Variants in CUX1 observed in about 807,000 individuals in gnomAD.
The protein encoded by CUX1 is protein CASP.
In CUX1, 31 loss-of-function variants were observed where a neutral mutation model predicts 158.8. That is an observed-to-expected ratio of 0.20 (90% confidence interval 0.15 to 0.26). CUX1 has a LOEUF of 0.26. Among genes scored for constraint, CUX1 ranks in the 10% least tolerant of loss-of-function variants. The pLI is 1.00. For missense variants in CUX1, 1,589 were observed against 2,014.6 expected, an observed-to-expected ratio of 0.79 and a Z score of 4.04; for synonymous variants, 879 against 862.1, an observed-to-expected ratio of 1.02 and a Z score of -0.34.
intron 2 of CUX1, among the ~76,000 whole-genome samples, chr7:101,975,264 AAGAGAGAG>A (rs58160469): frequency 6.6e-6 from 1 of 151,244 alleles, no homozygotes; most frequent in African/African-American, 2.4e-5. Context: ...AGGAAAAAAA[AAGAGAGAG>A]AGAGAGAGAA....
intron 2 of CUX1, among the ~76,000 whole-genome samples, chr7:102,021,918 AGCCTCCT>A (rs758752868): frequency 3.9e-4 from 59 of 151,888 alleles, no homozygotes; most frequent in Non-Finnish European, 7.5e-4. Flanking sequence ...TGTAATTCAC[AGCCTCCT>A]TCTATGTGTG....
At chr7:102,161,712 G>A (rs782012562) in intron 9 of CUX1, among the ~76,000 whole-genome samples, 1 of 152,170 alleles carries the variant, frequency 6.6e-6, no homozygotes, top group African/African-American at 2.4e-5. Context: ...ATGGGTTCAG[G>A]CAATTCTCCT....
chr7:101,817,400 G>A, upstream of CUX1: 1 of 984,622 alleles, frequency 1.0e-6, no homozygotes, highest in South Asian at 4.7e-5. The surrounding 1 kb of genome is among the most constrained non-coding windows in gnomAD (Gnocchi z 4.1). Context: ...CGAAAGCAGA[G>A]CCCCGGGGGC....
At chr7:102,030,200 CGG>C (rs1194777730) in intron 3 of CUX1, among the ~76,000 whole-genome samples, 1 of 151,988 alleles carries the variant, frequency 6.6e-6, no homozygotes, top group East Asian at 1.9e-4. Flanking sequence ...TTAGTAGAGA[CGG>C]GGTTTCATCA....
At chr7:102,275,372 C>A in intron 17 of CUX1, 1 of 1,599,090 alleles carries the variant, frequency 6.3e-7, no homozygotes, top group Non-Finnish European at 8.6e-7. Flanking sequence ...GAGTCACATC[C>A]TTCTCTCCCT....
At chr7:102,150,929 T>C (rs1490243484) in intron 8 of CUX1, among the ~76,000 whole-genome samples, 10 of 152,226 alleles carry the variant, frequency 6.6e-5, no homozygotes, top group Admixed American at 6.5e-4. Flanking sequence ...ATCTAAATTT[T>C]TATAATAAAT....
intron 4 of CUX1, among the ~76,000 whole-genome samples, chr7:102,074,362 G>A (rs574894587): frequency 2.0e-5 from 3 of 152,342 alleles, no homozygotes; most frequent in East Asian, 3.9e-4. Flanking sequence ...GAGCCGCCAA[G>A]CTGGCCCCAG....
rs554547082 is a variant in CUX1, at chr7:101,821,560, G to A, written c.30+3891G>A. ...TCACCGTGTTAGCCCGGATGGTCTC[G>A]ATCTCCTCACTTAGTGATCCGCCCG... On this transcript the variant is annotated intron_variant, in intron 1 of 23. Coordinates refer to ENST00000292535, the MANE Select transcript of CUX1 (RefSeq NM_181552.4). Among the ~76,000 whole-genome samples the A allele has an allele frequency of 5.8e-3, 878 of 150,616 alleles. 13 individuals carry two copies. The highest frequency in any genetic ancestry group is 0.019 in the African/African-American group (797 of 41,090).
intron 8 of CUX1, among the ~76,000 whole-genome samples, chr7:102,155,495 A>G (rs1372299839): frequency 1.3e-5 from 2 of 152,020 alleles, no homozygotes; most frequent in Non-Finnish European, 2.9e-5. Flanking sequence ...GCAGTGAGCC[A>G]AGATCACACC....
chr7:101,869,700 AC>A lies in CUX1; in HGVS notation c.31-46414del, dbSNP rs1324870900. ...GACACCATGGAAGACGGCAGGACAC[AC>A]GTGCGAGCCACAGCAGGTGGGCGGG... On this transcript the variant is annotated intron_variant, in intron 1 of 23. Transcript: ENST00000292535. This position sits in a 1 kb window ranked among gnomAD's most constrained non-coding sequence, Gnocchi z 4.5. Among the ~76,000 whole-genome samples, 1 of 152,128 alleles carries A rather than the reference AC, an allele frequency of 6.6e-6. No homozygotes were observed. The highest frequency in any genetic ancestry group is 1.5e-5 in the Non-Finnish European group (1 of 68,010).
chr7:102,065,004 A>G (rs1825383255), intron 3 of CUX1, among the ~76,000 whole-genome samples: 1 of 152,196 alleles, frequency 6.6e-6, no homozygotes, highest in African/African-American at 2.4e-5. Flanking sequence ...GCAGCAGGGA[A>G]GTCACACAAA....
chr7:102,269,342 C>T (rs1164120175), intron 14 of CUX1, among the ~76,000 whole-genome samples: 1 of 152,094 alleles, frequency 6.6e-6, no homozygotes, highest in Non-Finnish European at 1.5e-5. Flanking sequence ...ACCCCTGCCC[C>T]CTCACGCAAA....
At chr7:102,119,624 CA>C (rs1267379094) in intron 8 of CUX1, among the ~76,000 whole-genome samples, 16 of 152,142 alleles carry the variant, frequency 1.1e-4, no homozygotes, top group Non-Finnish European at 4.4e-5. Flanking sequence ...GGGGCTTTGC[CA>C]AAACAGTTGT....
chr7:101,981,821 G>C (rs1193109552), intron 2 of CUX1, among the ~76,000 whole-genome samples: 1 of 152,140 alleles, frequency 6.6e-6, no homozygotes, highest in Non-Finnish European at 1.5e-5. Flanking sequence ...ATGTTGGCCA[G>C]GCTGGTTTTG....
At chr7:102,189,684 T>C (rs1276029899) in intron 11 of CUX1, 129 bp from the exon 12 acceptor site, 2 of 956,576 alleles carry the variant, frequency 2.1e-6, no homozygotes, top group Non-Finnish European at 3.3e-6. Context: ...CCCAGCACCG[T>C]TGACTCCATT....
intron 1 of CUX1, among the ~76,000 whole-genome samples, chr7:101,875,812 A>G (rs1584847676): frequency 6.7e-6 from 1 of 149,704 alleles, no homozygotes; most frequent in Non-Finnish European, 1.5e-5. Flanking sequence ...AGGAAAAACA[A>G]CCATCTATTT....
At chr7:102,170,604 G>A (rs782528628) in intron 10 of CUX1, 54 bp downstream of exon 10, 11 of 1,220,396 alleles carry the variant, frequency 9.0e-6, no homozygotes, top group African/African-American at 1.5e-5. Flanking sequence ...CCGCACCTTC[G>A]AGTTACAGCC....
Position 102,254,507 on chromosome 7 carries a change from G to A in CUX1, c.*5465G>A, listed in dbSNP as rs552606441. ...AATATGCCAGTTCCCATCCAGCACC[G>A]AAGAAAATCAGCTCCTGGGGCTGGT... On this transcript the variant is annotated 3_prime_UTR_variant, in exon 24 of 24. Transcript: ENST00000292535. 2.9e-5 allele frequency: 29 copies of A among 985,348 alleles called. No individual in the cohort carries two copies. The African/African-American group carries it at 3.0e-4, about 10-fold the overall frequency. The allele number at this position is 985,348 out of a possible 1,614,324, so 61.0% of individuals were successfully genotyped here.
intron 4 of CUX1, among the ~76,000 whole-genome samples, chr7:102,094,282 G>T (rs1554483280): frequency 6.6e-6 from 1 of 152,174 alleles, no homozygotes. Context: ...GTAAAGTTTG[G>T]AGTTTAATGC....
Sources: allele counts gnomAD v4.1 joint callset (sites outside exome capture counted in the v4.1 genomes callset), GRCh38; gene constraint gnomAD v4.1.1; non-coding constraint Gnocchi (gnomAD v3.1); transcripts MANE v1.5; gene names NCBI Gene and HGNC (gene_info 2026-07-23, HGNC 2026-07-21).